LOXHD1: variants seen among roughly 807,000 people sequenced by gnomAD.
The protein encoded by LOXHD1 is lipoxygenase homology domain-containing protein 1.
A neutral mutation model predicts 248.2 loss-of-function variants in LOXHD1; 205 were observed. The ratio of observed to expected loss-of-function variants is 0.83; its 90% CI spans 0.74 to 0.93. The LOEUF is 0.93. LOXHD1 is among the 40% of genes least tolerant of loss of function. The pLI, the probability that LOXHD1 is intolerant of heterozygous loss-of-function variation, is 0.00. For missense variants in LOXHD1, 2,930 were observed against 2,971.6 expected, an observed-to-expected ratio of 0.99 and a Z score of 0.33; for synonymous variants, 1,113 against 1,162.8, an observed-to-expected ratio of 0.96 and a Z score of 0.87.
chr18:46,568,306 A>G lies in LOXHD1; in HGVS notation c.2244+1136T>C, dbSNP rs578101487. 5.3e-5 allele frequency among the ~76,000 whole-genome samples: 8 copies of G among 152,236 alleles called. No individual in the cohort carries two copies. In the East Asian group the frequency reaches 1.5e-3, roughly 29 times the overall value. On this transcript the variant is annotated intron_variant, in intron 16 of 40. Coordinates refer to ENST00000642948, the MANE Select transcript of LOXHD1 (RefSeq NM_001384474.1). ...TCAGGCATTTCTAGAGACATCCCCAATCCTCAAGTCCAAGATTTAGAACTG... is the reference window on the plus strand; with the variant it reads ...TCAGGCATTTCTAGAGACATCCCCAGTCCTCAAGTCCAAGATTTAGAACTG...
chr18:46,587,589 G>C (rs1388067820), intron 12 of LOXHD1, among the ~76,000 whole-genome samples: 1 of 152,192 alleles, frequency 6.6e-6, no homozygotes, highest in Non-Finnish European at 1.5e-5. Flanking sequence ...ATTTAAAATA[G>C]TTATATTGTT....
At chr18:46,601,562 G>C in intron 7 of LOXHD1, 95 bp from the exon 8 acceptor site, 1 of 1,497,854 alleles carries the variant, frequency 6.7e-7, no homozygotes, top group Non-Finnish European at 9.1e-7. Context: ...CACCCCCAAA[G>C]CCCTCCTCCT....
chr18:46,582,089 TAGAA>T (rs2037974620), intron 12 of LOXHD1, among the ~76,000 whole-genome samples: 1 of 152,150 alleles, frequency 6.6e-6, no homozygotes, highest in Non-Finnish European at 1.5e-5. Context: ...ACCTGATAGA[TAGAA>T]TAAAGAGTAC....
At chr18:46,648,403 G>T (rs2039060519) in intron 2 of LOXHD1, among the ~76,000 whole-genome samples, 1 of 152,190 alleles carries the variant, frequency 6.6e-6, no homozygotes, top group South Asian at 2.1e-4. Context: ...GAGCAGATTA[G>T]AATAGAGCAG....
At chr18:46,545,065 G>A in intron 23 of LOXHD1, 3 of 523,470 alleles carry the variant, frequency 5.7e-6, no homozygotes, top group Non-Finnish European at 1.1e-5. Context: ...GTTGGGCAAA[G>A]CCATCTTGTC....
intron 28 of LOXHD1, among the ~76,000 whole-genome samples, chr18:46,529,993 G>A (rs79972732): frequency 5.3e-5 from 8 of 151,982 alleles, no homozygotes; most frequent in Non-Finnish European, 1.2e-4. Context: ...AAACAAAAAC[G>A]CATGGTATCT....
chr18:46,478,434 C>T (rs940495907), intron 40 of LOXHD1, among the ~76,000 whole-genome samples: 5 of 152,150 alleles, frequency 3.3e-5, no homozygotes, highest in Admixed American at 6.5e-5. Context: ...GGGTCCAAGT[C>T]ACCATCATCT....
At chr18:46,483,779 C>G in intron 39 of LOXHD1, 34 bp from the exon 40 acceptor site, 1 of 1,542,704 alleles carries the variant, frequency 6.5e-7, no homozygotes, top group Non-Finnish European at 8.8e-7. Flanking sequence ...CATGAGCTGC[C>G]TTTGCCCACT....
intron 4 of LOXHD1, among the ~76,000 whole-genome samples, chr18:46,632,788 C>T (rs903818145): frequency 1.3e-5 from 2 of 152,192 alleles, no homozygotes; most frequent in African/African-American, 2.4e-5. Context: ...GGACCCCTGA[C>T]GCCCACTCTT....
At chr18:46,477,984 G>A (rs1466342952) in intron 40 of LOXHD1, 32 bp from the exon 41 acceptor site, 6 of 1,529,938 alleles carry the variant, frequency 3.9e-6, no homozygotes, top group Non-Finnish European at 5.3e-6. Context: ...GGAGGGGTAG[G>A]GGCTAAGCAG....
intron 17 of LOXHD1, among the ~76,000 whole-genome samples, chr18:46,563,747 C>T (rs76148093): frequency 6.6e-6 from 1 of 152,062 alleles, no homozygotes; most frequent in East Asian, 1.9e-4. Context: ...TTAAATGAGA[C>T]CCCCAAGGGC....
chr18:46,569,501 C>A lies in LOXHD1; in HGVS notation c.2185G>T (p.Asp729Tyr). Residue 729 changes from aspartate to tyrosine, a missense_variant, in exon 16 of 41, where the codon GAC becomes TAC. Coordinates refer to ENST00000642948, the MANE Select transcript of LOXHD1 (RefSeq NM_001384474.1). ...VLLVSDNNLK[D>Y]YFERGRVDEF... Reference sequence around the variant, plus strand: ...TCCACCCGGCCACGTTCAAAGTAGTCTTTGAGGTTGTTGTCAGAGACAAGA... The same window carrying A: ...TCCACCCGGCCACGTTCAAAGTAGTATTTGAGGTTGTTGTCAGAGACAAGA... The A allele has an allele frequency of 6.4e-7, 1 of 1,552,120 alleles. No homozygotes were observed. The highest frequency in any genetic ancestry group is 8.7e-7 in the Non-Finnish European group (1 of 1,147,078).
At chr18:46,536,894 G>A (rs1223225304) in intron 26 of LOXHD1, among the ~76,000 whole-genome samples, 3 of 152,172 alleles carry the variant, frequency 2.0e-5, no homozygotes, top group Non-Finnish European at 4.4e-5. Context: ...CCCACTGCCT[G>A]GAGGGCCCAG....
At chr18:46,544,873 A>C (rs139194476) in intron 23 of LOXHD1, 1 of 472,174 alleles carries the variant, frequency 2.1e-6, no homozygotes, top group Non-Finnish European at 4.4e-6. Context: ...TATGATGACT[A>C]CTTGAGGGAC....
In LOXHD1 at chr18:46,484,951, G is replaced by A. The variant is rs2032914661; in HGVS notation, c.6182+68C>T. ...GTGTACCTATGGCTCCCACCCAAGA[G>A]GGAGATTCTCGGGGTCCTCCCTTAC... On this transcript the variant is annotated intron_variant, in intron 39 of 40. Transcript: ENST00000642948. 2.0e-6 allele frequency: 3 copies of A among 1,524,502 alleles called. No individual in the cohort carries two copies. The Admixed American group carries it at 6.0e-5, about 30-fold the overall frequency. 94.4% of individuals were successfully genotyped at this position (1,524,502 alleles called of 1,614,324 possible).
intron 38 of LOXHD1, 83 bp from the exon 39 acceptor site, chr18:46,485,234 C>G: frequency 1.4e-6 from 2 of 1,475,534 alleles, no homozygotes; most frequent in Non-Finnish European, 1.8e-6. Context: ...TCACGGCCTC[C>G]GGTCCTTCAT....
intron 40 of LOXHD1, 119 bp downstream of exon 40, chr18:46,483,468 G>T: frequency 8.0e-7 from 1 of 1,248,664 alleles, no homozygotes; most frequent in Non-Finnish European, 1.1e-6. Context: ...CCTGAACAGG[G>T]TAATCTTGAC....
Position 46,560,479 on chromosome 18 carries a change from G to T in LOXHD1, c.2665C>A (p.Pro889Thr), listed in dbSNP as rs978581950. 5 of 1,539,860 alleles carry T rather than the reference G, an allele frequency of 3.2e-6. No individual in the cohort carries two copies. The highest frequency in any genetic ancestry group is 4.4e-6 in the Non-Finnish European group (5 of 1,146,870). ...CACACGGTGTCCACGAACCAGCTGG[G>T]CCCAAAGCCCTCGCCCGTGTGCCCG... ...RLGHTGEGFG[P>T]SWFVDTVWLR... is the part of the protein sequence containing the mutation. Residue 889 changes from proline to threonine, a missense_variant, in exon 19 of 41, where the codon CCC becomes ACC. Coordinates refer to ENST00000642948, the MANE Select transcript of LOXHD1 (RefSeq NM_001384474.1).
At chr18:46,606,777 A>G (rs71364551) in intron 6 of LOXHD1, among the ~76,000 whole-genome samples, 291 of 152,278 alleles carry the variant, frequency 1.9e-3, no homozygotes, top group Middle Eastern at 3.4e-3. Flanking sequence ...TAATTATGTC[A>G]TATAATAATT....
Sources: allele counts gnomAD v4.1 joint callset (sites outside exome capture counted in the v4.1 genomes callset), GRCh38; gene constraint gnomAD v4.1.1; transcripts MANE v1.5; gene names NCBI Gene and HGNC (gene_info 2026-07-23, HGNC 2026-07-21).